Variants in ATP1A4 observed in about 807,000 individuals in gnomAD.
ATP1A4 encodes sodium/potassium-transporting ATPase subunit alpha-4.
In ATP1A4, 90 loss-of-function variants were observed where a neutral mutation model predicts 114.3. That is an observed-to-expected ratio of 0.79 (90% CI 0.66 to 0.94). ATP1A4 has a LOEUF of 0.94. Among genes scored for constraint, ATP1A4 ranks in the 40% least tolerant of loss-of-function variants. ATP1A4 has a pLI of 0.00. For missense variants in ATP1A4, 1,222 were observed against 1,313.6 expected, an observed-to-expected ratio of 0.93 and a Z score of 1.08; for synonymous variants, 511 against 494.1, an observed-to-expected ratio of 1.03 and a Z score of -0.45.
chr1:160,159,466 A>T lies in ATP1A4; in HGVS notation c.718A>T (p.Thr240Ser), dbSNP rs200126980. The part of the protein sequence containing the change: ...SEPQSRSPDF[T>S]HENPLETRNI... Reference sequence around the variant, plus strand: ...ACCCCAGAGCCGCTCCCCTGACTTCACCCATGAGAACCCTCTGGAGACCCG... The same window carrying T: ...ACCCCAGAGCCGCTCCCCTGACTTCTCCCATGAGAACCCTCTGGAGACCCG... Residue 240 changes from threonine (T) to serine (S), a missense_variant, in exon 6 of 22, where the codon ACC (threonine) becomes TCC (serine). Coordinates refer to ENST00000368081, the MANE Select transcript of ATP1A4 (RefSeq NM_144699.4). 7.8e-5 allele frequency: 126 copies of T among 1,613,924 alleles called. 1 individual carries two copies. In the Middle Eastern group the frequency reaches 1.3e-3, roughly 17 times the overall value.
chr1:160,167,145 C>T, intron 9 of ATP1A4, 68 bp downstream of exon 9: 1 of 1,578,386 alleles, frequency 6.3e-7, no homozygotes, highest in Non-Finnish European at 8.7e-7. Context: ...CCAAAAAATC[C>T]TCTCCTGGAG....
intron 6 of ATP1A4, among the ~76,000 whole-genome samples, chr1:160,162,031 C>T (rs1480841792): frequency 6.6e-6 from 1 of 152,136 alleles, no homozygotes; most frequent in East Asian, 1.9e-4. Context: ...TGTACCTAAC[C>T]TTCTAGACTC....
At chr1:160,157,234 A>G (rs1054318603) in intron 4 of ATP1A4, among the ~76,000 whole-genome samples, 4 of 152,104 alleles carry the variant, frequency 2.6e-5, no homozygotes, top group Non-Finnish European at 5.9e-5. Context: ...GGTTTGTTAT[A>G]TAAGTAAACT....
In ATP1A4 at chr1:160,159,010, G is replaced by A; in HGVS notation, c.534G>A (p.Leu178=). 2 of 1,613,828 alleles carry A rather than the reference G, an allele frequency of 1.2e-6. No homozygotes were observed. The highest frequency in any genetic ancestry group is 1.7e-6 in the Non-Finnish European group (2 of 1,179,846). ...SFKNMVPQQA[L]VIRGGEKMQI... is the part of the protein sequence containing the mutation. Reference sequence around the variant, plus strand: ...GCACTATCCTCTCATAGCAAGCTCTGGTAATTCGAGGAGGAGAGAAGATGC... The same window carrying A: ...GCACTATCCTCTCATAGCAAGCTCTAGTAATTCGAGGAGGAGAGAAGATGC... The change falls in exon 5 of 22, where the codon CTG becomes CTA. Residue 178 remains leucine (L), a synonymous_variant. Transcript: ENST00000368081.
At position 160,181,834 on chromosome 1, in the gene ATP1A4, G is replaced by GC. The variant is rs36097870; in HGVS notation, c.2867+23dup. The GC allele has an allele frequency of 0.6, 966,083 of 1,613,460 alleles. 293,316 individuals are homozygous for GC. The highest frequency in any genetic ancestry group is 0.9 in the East Asian group (40,218 of 44,834). ...CATGAGGTGAACATCTCACAAAACAGCCCAGCACTCTCCCAAGCCCCACAC... is the reference window on the plus strand; with the variant it reads ...CATGAGGTGAACATCTCACAAAACAGCCCCAGCACTCTCCCAAGCCCCACAC... On this transcript the variant is annotated intron_variant, in intron 19 of 21. Coordinates refer to ENST00000368081, the MANE Select transcript of ATP1A4 (RefSeq NM_144699.4).
chr1:160,166,533 C>A lies in ATP1A4; in HGVS notation c.1053C>A (p.Cys351Ter), dbSNP rs1193302965. ...PEGLLATVTV[C>*]LTLTAKRMAR... is the part of the protein sequence containing the mutation. ...TCCTCTCTTCTTGGCTTTAGGTGTGCCTGACCCTCACAGCCAAGCGCATGG... is the reference window on the plus strand; with the variant it reads ...TCCTCTCTTCTTGGCTTTAGGTGTGACTGACCCTCACAGCCAAGCGCATGG... The change falls in exon 8 of 22, where the codon TGC becomes TGA. Residue 351 changes from cysteine (C) to a stop codon, truncating the protein, a stop_gained. Coordinates refer to ENST00000368081, the MANE Select transcript of ATP1A4 (RefSeq NM_144699.4). LOFTEE classifies it high-confidence loss of function. The A allele has an allele frequency of 6.2e-7, 1 of 1,614,206 alleles. No individual in the cohort carries two copies. The highest frequency in any genetic ancestry group is 1.3e-5 in the African/African-American group (1 of 75,048).
chr1:160,152,842 G>A (rs1652504251), intron 1 of ATP1A4, among the ~76,000 whole-genome samples: 1 of 151,962 alleles, frequency 6.6e-6, no homozygotes, highest in Non-Finnish European at 1.5e-5. Flanking sequence ...TTTGAGACAA[G>A]CCTGGCCAAC....
At chr1:160,169,856 T>A (rs1235700085) in intron 10 of ATP1A4, 1 of 152,270 alleles carries the variant, frequency 6.6e-6, no homozygotes, top group Non-Finnish European at 1.5e-5. Context: ...AGGACTCCCA[T>A]GCCCAACCAC....
intron 6 of ATP1A4, among the ~76,000 whole-genome samples, chr1:160,163,773 A>G (rs1418486575): frequency 6.6e-6 from 1 of 152,190 alleles, no homozygotes; most frequent in Non-Finnish European, 1.5e-5. Flanking sequence ...CCTCCCTTCC[A>G]AAGAGGTCAG....
rs1329382958 is a variant in ATP1A4, at chr1:160,156,121, C to T, written c.488C>T (p.Ser163Phe). Residue 163 changes from serine (S) to phenylalanine (F), a missense_variant, in exon 4 of 22, where the codon TCC (serine) becomes TTC (phenylalanine). Ser to Phe is a radical substitution (Grantham distance 155, BLOSUM62 -2). Coordinates refer to ENST00000368081, the MANE Select transcript of ATP1A4 (RefSeq NM_144699.4). ...TCCTATTATCAGGAGGCCAAGAGCT[C>T]CAAGATCATGGAGTCTTTTAAGAAC... ...CFSYYQEAKS[S>F]KIMESFKNMV... 6.2e-7 allele frequency: 1 copy of T among 1,613,664 alleles called. No homozygotes were observed. The highest frequency in any genetic ancestry group is 8.5e-7 in the Non-Finnish European group (1 of 1,179,770).
chr1:160,155,076 T>C lies in ATP1A4; in HGVS notation c.239T>C (p.Leu80Pro), dbSNP rs200875648. 2.1e-4 allele frequency: 344 copies of C among 1,613,980 alleles called. No homozygotes were observed. The highest frequency in any genetic ancestry group is 2.7e-4 in the Non-Finnish European group (318 of 1,179,958). The change falls in exon 3 of 22, where the codon CTG becomes CCG. Residue 80 changes from leucine to proline, a missense_variant. Transcript: ENST00000368081. ...AGCCACCAAAGGGCAAAGGAAATCC[T>C]GACTCGAGGTGGACCCAATACTGTT... is the stretch of plus-strand genomic sequence containing the variant. ...GHSHQRAKEI[L>P]TRGGPNTVTP...
In ATP1A4 at chr1:160,186,924, G is replaced by C; in HGVS notation, c.*225G>C. On this transcript the variant is annotated 3_prime_UTR_variant, in exon 22 of 22. Transcript: ENST00000368081. Reference sequence around the variant, plus strand: ...CTGGAGCCCCGCAGGGAGGGGCATGGTCCTGCTGAATCCCGTAGCCAGTCT... The same window carrying C: ...CTGGAGCCCCGCAGGGAGGGGCATGCTCCTGCTGAATCCCGTAGCCAGTCT... 1 of 600,128 alleles carries C rather than the reference G, an allele frequency of 1.7e-6. No individual in the cohort carries two copies. The highest frequency in any genetic ancestry group is 3.0e-6 in the Non-Finnish European group (1 of 335,068). 37.2% of individuals were successfully genotyped at this position (600,128 alleles called of 1,614,324 possible).
intron 6 of ATP1A4, among the ~76,000 whole-genome samples, chr1:160,161,002 G>C (rs558508052): frequency 6.6e-6 from 1 of 152,294 alleles, no homozygotes; most frequent in Admixed American, 6.5e-5. Context: ...TATATGTTCA[G>C]ATAAAGGGTA....
At chr1:160,162,742 G>A (rs1283516262) in intron 6 of ATP1A4, among the ~76,000 whole-genome samples, 4 of 152,174 alleles carry the variant, frequency 2.6e-5, no homozygotes, top group Non-Finnish European at 5.9e-5. Context: ...GCCTCCAGTT[G>A]AGAACCACTG....
In ATP1A4 at chr1:160,155,109, C is replaced by A. The variant is rs752102197; in HGVS notation, c.272C>A (p.Pro91His). 2.5e-6 allele frequency: 4 copies of A among 1,613,164 alleles called. No homozygotes were observed. The highest frequency in any genetic ancestry group is 3.4e-6 in the Non-Finnish European group (4 of 1,179,352). ...TRGGPNTVTP[P>H]PTTPEWVKFC... The stretch of plus-strand genomic sequence containing the variant: ...GGTGGACCCAATACTGTTACCCCAC[C>A]CCCCACCACTCCAGAATGGGTCAAA... Residue 91 changes from proline (P) to histidine (H), a missense_variant, in exon 3 of 22, where the codon CCC (proline) becomes CAC (histidine). Physicochemically the swap from Pro to His is moderately conservative, Grantham distance 77. Coordinates refer to ENST00000368081, the MANE Select transcript of ATP1A4 (RefSeq NM_144699.4).
chr1:160,161,747 C>A (rs1371750973), intron 6 of ATP1A4, among the ~76,000 whole-genome samples: 1 of 152,182 alleles, frequency 6.6e-6, no homozygotes, highest in Non-Finnish European at 1.5e-5. Flanking sequence ...TATAGAATGC[C>A]TCGGCCTGGG....
rs146890669 is a variant in ATP1A4 at position 160,151,667 on chromosome 1, C to A, written c.-374C>A. On this transcript the variant is annotated 5_prime_UTR_variant, in exon 1 of 22. Transcript: ENST00000368081. The stretch of plus-strand genomic sequence containing the variant: ...ATTTCCCACCTTCCTGTGGGCCTTG[C>A]GGCATCTTCATCACTGAGGCACCTG... The A allele has an allele frequency of 1.8e-3, 306 of 170,974 alleles. No homozygotes were observed. Among genetic ancestry groups the A allele is most frequent in the African/African-American group, 6.3e-3 (265 of 42,220 alleles). The allele number at this position is 170,974 out of a possible 1,614,324, so 10.6% of individuals were successfully genotyped here. A position where few individuals can be genotyped will look rare whatever the true frequency, so the allele number is the denominator to read the frequency against.
intron 10 of ATP1A4, chr1:160,170,864 C>T (rs1327879420): frequency 6.1e-6 from 1 of 164,944 alleles, no homozygotes; most frequent in Non-Finnish European, 1.3e-5. Flanking sequence ...GGATTACAGG[C>T]ATGAGCCGCT....
rs16831482 is a variant in ATP1A4, at chr1:160,171,381, T to C, written c.1622T>C (p.Met541Thr). 5 of 1,614,166 alleles carry C rather than the reference T, an allele frequency of 3.1e-6. No individual in the cohort carries two copies. Among genetic ancestry groups the C allele is most frequent in the Non-Finnish European group, 4.2e-6 (5 of 1,180,026 alleles). Residue 541 changes from methionine (M) to threonine (T), a missense_variant, in exon 11 of 22, where the codon ATG (methionine) becomes ACG (threonine). By Grantham distance (81) the Met-to-Thr change is moderately conservative. Transcript: ENST00000368081. Reference protein sequence around the residue: ...NGQEYSMNDEMKEAFQNAYLE... With the variant: ...NGQEYSMNDETKEAFQNAYLE... ...CAGGAGTACTCAATGAACGATGAAATGAAGGAAGCCTTCCAAAATGCCTAC... is the reference window on the plus strand; with the variant it reads ...CAGGAGTACTCAATGAACGATGAAACGAAGGAAGCCTTCCAAAATGCCTAC...
Sources: allele counts gnomAD v4.1 joint callset (sites outside exome capture counted in the v4.1 genomes callset), GRCh38; gene constraint gnomAD v4.1.1; transcripts MANE v1.5; gene names NCBI Gene and HGNC (gene_info 2026-07-23, HGNC 2026-07-21).